The following MORF4L1 variants were observed in gnomAD, a reference collection of about 807,000 sequenced individuals.
The protein encoded by MORF4L1 is mortality factor 4-like protein 1.
MORF4L1 carries 4 observed loss-of-function variants against 52.9 expected under a neutral mutation model. The ratio of observed to expected loss-of-function variants is 0.08; its 90% CI spans 0.04 to 0.17. The LOEUF is 0.17. Ranked by LOEUF, MORF4L1 falls within the 10% of genes least tolerant of loss-of-function variation. MORF4L1 has a pLI of 1.00. For missense variants in MORF4L1, 214 were observed against 390.4 expected (o/e 0.55, Z 3.81); for synonymous variants, 123 against 134.8 (o/e 0.91, Z 0.61).
At chr15:78,883,895 C>T (rs1007584845) in intron 3 of MORF4L1, among the ~76,000 whole-genome samples, 2 of 152,176 alleles carry the variant, frequency 1.3e-5, no homozygotes, top group Non-Finnish European at 2.9e-5. Context: ...GAATTAGTCA[C>T]ATTACCGTTA....
chr15:78,873,225 C>T, intron 1 of MORF4L1, 168 bp downstream of exon 1: 2 of 1,512,200 alleles, frequency 1.3e-6, no homozygotes, highest in Non-Finnish European at 1.8e-6. Context: ...TCCGGTGCGT[C>T]ATTGTGAGAA....
chr15:78,881,629 C>T (rs2056605561), intron 3 of MORF4L1, among the ~76,000 whole-genome samples: 1 of 152,144 alleles, frequency 6.6e-6, no homozygotes, highest in African/African-American at 2.4e-5. Context: ...GACTTTTCTC[C>T]TTGGGCCTCA....
chr15:78,894,324 C>T, intron 10 of MORF4L1, 94 bp downstream of exon 10: 1 of 991,288 alleles, frequency 1.0e-6, no homozygotes, highest in East Asian at 2.8e-5. Context: ...CAAAACATGA[C>T]TCCCATTTTA....
intron 10 of MORF4L1, 98 bp downstream of exon 10, chr15:78,894,328 C>T (rs2056848150): frequency 2.1e-6 from 2 of 955,934 alleles, no homozygotes; most frequent in East Asian, 5.7e-5. Context: ...ACATGACTCC[C>T]ATTTTAATTT....
intron 11 of MORF4L1, among the ~76,000 whole-genome samples, chr15:78,895,589 T>C (rs1331451475): frequency 6.6e-6 from 1 of 152,216 alleles, no homozygotes; most frequent in Non-Finnish European, 1.5e-5. Context: ...AACATACTGA[T>C]AAAGATGTCC....
chr15:78,894,926 T>C (rs1178772880), intron 11 of MORF4L1, 22 bp downstream of exon 11: 4 of 1,579,178 alleles, frequency 2.5e-6, no homozygotes, highest in Non-Finnish European at 3.5e-6. Flanking sequence ...CTTGAAATTA[T>C]AAACATGGAT....
chr15:78,880,492 A>T lies in MORF4L1; in HGVS notation c.88-20A>T, dbSNP rs759951942. 12 of 1,405,850 alleles carry T rather than the reference A, an allele frequency of 8.5e-6. No individual in the cohort carries two copies. The highest frequency in any genetic ancestry group is 2.9e-5 in the African/African-American group (2 of 68,814). 87.1% of individuals were successfully genotyped at this position (1,405,850 alleles called of 1,614,324 possible). On this transcript the variant is annotated intron_variant, in intron 2 of 11. Transcript: ENST00000426013. ...TTAAAAAATTTCTAAGTGAATTATT[A>T]TTTTTTTTTTGAATTTCAGTGTGTA... is the stretch of plus-strand genomic sequence containing the variant.
At chr15:78,873,923 A>C (rs2056425970) in intron 1 of MORF4L1, 1 of 152,242 alleles carries the variant, frequency 6.6e-6, no homozygotes, top group Admixed American at 6.5e-5. Flanking sequence ...TTGCATTTGT[A>C]AGTCCCATTG....
intron 5 of MORF4L1, among the ~76,000 whole-genome samples, chr15:78,888,281 A>G (rs971518842): frequency 1.3e-5 from 2 of 151,936 alleles, no homozygotes; most frequent in African/African-American, 4.8e-5. Context: ...CTTGGGCAAC[A>G]TCGGGAGCCT....
chr15:78,893,441 C>G (rs2056833920), intron 8 of MORF4L1, 98 bp from the exon 9 acceptor site: 1 of 781,494 alleles, frequency 1.3e-6, no homozygotes, highest in South Asian at 1.5e-5. Context: ...ATTTGAAATA[C>G]TGTTACTGTT....
At chr15:78,885,429 T>C (rs1243751664) in intron 3 of MORF4L1, among the ~76,000 whole-genome samples, 1 of 152,230 alleles carries the variant, frequency 6.6e-6, no homozygotes, top group African/African-American at 2.4e-5. Flanking sequence ...TTGAGAGAGT[T>C]GGTTCTGCCT....
chr15:78,887,668 A>G (rs1210854792), intron 5 of MORF4L1, among the ~76,000 whole-genome samples: 1 of 152,250 alleles, frequency 6.6e-6, no homozygotes, highest in African/African-American at 2.4e-5. Context: ...AAGTGCTGGC[A>G]AGTGCTAAAA....
intron 3 of MORF4L1, among the ~76,000 whole-genome samples, chr15:78,882,934 G>A (rs1381240706): frequency 6.6e-6 from 1 of 152,110 alleles, no homozygotes; most frequent in Non-Finnish European, 1.5e-5. Flanking sequence ...AGTGTTTGAG[G>A]CTGGGTGTAG....
chr15:78,874,844 A>G lies in MORF4L1; in HGVS notation c.40+1787A>G, dbSNP rs1019539094. 8.1e-5 allele frequency among the ~76,000 whole-genome samples: 10 copies of G among 123,010 alleles called. 1 individual carries two copies. The highest frequency in any genetic ancestry group is 2.6e-4 in the African/African-American group (9 of 34,456). The allele number at this position is 123,010 out of a possible 152,430, so 80.7% of individuals were successfully genotyped here. A position where few individuals can be genotyped will look rare whatever the true frequency, so the allele number is the denominator to read the frequency against. On this transcript the variant is annotated intron_variant, in intron 1 of 11. Transcript: ENST00000426013. ...GATATTCTTAATCTAGAGTCAGTGC[A>G]TTAATTGAGACGGTGCGTGAAATTG...
Position 78,886,322 on chromosome 15 carries a change from C to G in MORF4L1, c.242+95C>G. 9 of 1,085,346 alleles carry G rather than the reference C, an allele frequency of 8.3e-6. No homozygotes were observed. In the South Asian group the frequency reaches 1.2e-4, roughly 14 times the overall value. 67.2% of individuals were successfully genotyped at this position (1,085,346 alleles called of 1,614,324 possible). On this transcript the variant is annotated intron_variant, in intron 4 of 11. Coordinates refer to ENST00000426013, the MANE Select transcript of MORF4L1 (RefSeq NM_006791.4). ...AATGGAGATCATGTTGGCTGCCCTG[C>G]CTATAAAATGATTCCTGGTACCTTT...
rs2056913598 is a variant in MORF4L1 at position 78,897,674 on chromosome 15, AGTC to A, written c.*608_*610del. ...CATTGTGTAGCTAGTTTTCTGGAAA[AGTC>A]AATCTTTTAGGAATTGTTTTTCAGA... is the stretch of plus-strand genomic sequence containing the variant. On this transcript the variant is annotated 3_prime_UTR_variant, in exon 12 of 12. Coordinates refer to ENST00000426013, the MANE Select transcript of MORF4L1 (RefSeq NM_006791.4). The A allele has an allele frequency of 6.6e-6, 1 of 152,662 alleles. No individual in the cohort carries two copies. Among genetic ancestry groups the A allele is most frequent in the South Asian group, 2.1e-4 (1 of 4,832 alleles). The allele number at this position is 152,662 out of a possible 1,614,324, so 9.5% of individuals were successfully genotyped here. A position where few individuals can be genotyped will look rare whatever the true frequency, so the allele number is the denominator to read the frequency against.
intron 3 of MORF4L1, 28 bp downstream of exon 3, chr15:78,880,607 T>G (rs1487386063): frequency 6.7e-7 from 1 of 1,495,580 alleles, no homozygotes; most frequent in Non-Finnish European, 9.2e-7. Context: ...CAATTCTATT[T>G]GTAATTAACA....
rs4778952 is a variant in MORF4L1 at position 78,890,963 on chromosome 15, T to C, written c.324-26T>C. On this transcript the variant is annotated intron_variant, in intron 5 of 11. Transcript: ENST00000426013. ...GAGGCAGTTTTACTGGAAATAATTA[T>C]TTTTCTTTTTTTTCTCTCCTTTTAG... 23,568 of 1,431,924 alleles carry C rather than the reference T, an allele frequency of 0.016. 2,796 individuals carry two copies. The East Asian group carries it at 0.33, about 20-fold the overall frequency. 88.7% of individuals were successfully genotyped at this position (1,431,924 alleles called of 1,614,324 possible).
intron 8 of MORF4L1, 82 bp from the exon 9 acceptor site, chr15:78,893,457 A>G: frequency 4.5e-6 from 4 of 884,836 alleles, no homozygotes; most frequent in East Asian, 2.5e-5. Context: ...CTGTTACCTG[A>G]TCTTTGTATA....
Sources: gnomAD v4.1 joint callset for allele counts (sites outside exome capture counted in the v4.1 genomes callset) on GRCh38, gnomAD v4.1.1 for gene constraint, MANE v1.5 for transcripts, NCBI Gene and HGNC (gene_info 2026-07-23, HGNC 2026-07-21) for gene names.